The following RIMS1 variants were observed in gnomAD, a reference collection of about 807,000 sequenced individuals.
RIMS1 encodes regulating synaptic membrane exocytosis protein 1.
Under a neutral mutation model 214.1 loss-of-function variants are expected in RIMS1, and 83 were observed. The ratio of observed to expected loss-of-function variants is 0.39; its 90% CI spans 0.32 to 0.47. The LOEUF (loss-of-function observed/expected upper bound fraction) is 0.47, where lower values mean the gene tolerates loss of function less well. Ranked by LOEUF, RIMS1 falls within the 20% of genes least tolerant of loss-of-function variation. The pLI, the probability that RIMS1 is intolerant of heterozygous loss-of-function variation, is 0.99. For synonymous variants in RIMS1, 793 were observed against 786.8 expected (o/e 1.01, Z -0.13); for missense variants, 2,050 against 2,161.8 (o/e 0.95, Z 1.03).
At chr6:72,170,378 C>G in intron 4 of RIMS1, among the ~76,000 whole-genome samples, 1 of 152,110 alleles carries the variant, frequency 6.6e-6, no homozygotes, top group Non-Finnish European at 1.5e-5. Flanking sequence ...GAGTCTTGCA[C>G]TGTTGCCCAG....
At chr6:72,324,433 C>T (rs1295662108) in intron 28 of RIMS1, among the ~76,000 whole-genome samples, 1 of 151,682 alleles carries the variant, frequency 6.6e-6, no homozygotes, top group Non-Finnish European at 1.5e-5. Context: ...TAGAAGAATG[C>T]ACAACTCAGA....
intron 6 of RIMS1, chr6:72,212,950 C>G: frequency 7.1e-7 from 1 of 1,403,488 alleles, no homozygotes; most frequent in South Asian, 1.7e-5. Flanking sequence ...TGTTCTCACA[C>G]CAATGTTTTA....
At chr6:72,282,579 T>A (rs2090666961) in intron 23 of RIMS1, among the ~76,000 whole-genome samples, 2 of 152,190 alleles carry the variant, frequency 1.3e-5, no homozygotes, top group Admixed American at 1.3e-4. Flanking sequence ...CTCTCTTTGC[T>A]GTATAGTATA....
intron 26 of RIMS1, among the ~76,000 whole-genome samples, chr6:72,297,025 A>G (rs1332788067): frequency 1.3e-5 from 2 of 151,960 alleles, no homozygotes; most frequent in Non-Finnish European, 2.9e-5. Flanking sequence ...CGGTATTACA[A>G]AGAGAACAGT....
chr6:72,395,651 G>A (rs904021884), intron 31 of RIMS1, among the ~76,000 whole-genome samples: 1 of 152,010 alleles, frequency 6.6e-6, no homozygotes, highest in African/African-American at 2.4e-5. Context: ...AGACCGAGCA[G>A]AAAAGTGAGG....
intron 2 of RIMS1, among the ~76,000 whole-genome samples, chr6:72,081,503 C>T (rs1038950711): frequency 6.6e-6 from 1 of 152,088 alleles, no homozygotes; most frequent in Non-Finnish European, 1.5e-5. Context: ...AATGACTGCT[C>T]CTAGCTTTGT....
chr6:71,980,867 C>A (rs1369902680), intron 2 of RIMS1, among the ~76,000 whole-genome samples: 2 of 151,898 alleles, frequency 1.3e-5, no homozygotes, highest in East Asian at 1.9e-4. Flanking sequence ...AGAGATAAGA[C>A]AAAAATTTTC....
intron 6 of RIMS1, among the ~76,000 whole-genome samples, chr6:72,222,628 A>G (rs2058847886): frequency 1.3e-5 from 2 of 152,060 alleles, no homozygotes; most frequent in Non-Finnish European, 2.9e-5. Flanking sequence ...GATGTGCCAG[A>G]TATTTGCCAA....
intron 2 of RIMS1, among the ~76,000 whole-genome samples, chr6:72,068,591 A>G (rs7750138): frequency 0.022 from 3,329 of 152,290 alleles, 95 homozygotes; most frequent in African/African-American, 0.076. Flanking sequence ...CAACAGTATC[A>G]TCAATGATGA....
intron 1 of RIMS1, among the ~76,000 whole-genome samples, chr6:71,929,899 A>C (rs567651320): frequency 2.0e-4 from 30 of 152,058 alleles, no homozygotes; most frequent in African/African-American, 5.1e-4. Flanking sequence ...GAAAAAAAAA[A>C]CCAGAATATT....
rs900949209 is a variant in RIMS1, at chr6:72,156,582, G to A, written c.472-22993G>A. ...TGACTGTACTGAATAATAGTGTATT[G>A]TATACTTGAAATCTGGTAAGAGAAT... is the stretch of plus-strand genomic sequence containing the variant. On this transcript the variant is annotated intron_variant, in intron 4 of 33. Transcript: ENST00000521978. 1.4e-5 allele frequency among the ~76,000 whole-genome samples: 2 copies of A among 139,954 alleles called. 1 individual carries two copies. Among genetic ancestry groups the A allele is most frequent in the Non-Finnish European group, 3.2e-5 (2 of 61,622 alleles). 91.8% of individuals were successfully genotyped at this position (139,954 alleles called of 152,430 possible).
At chr6:72,044,968 T>C (rs910919734) in intron 2 of RIMS1, among the ~76,000 whole-genome samples, 3 of 151,886 alleles carry the variant, frequency 2.0e-5, no homozygotes, top group African/African-American at 7.2e-5. Flanking sequence ...TCTTGGCTGG[T>C]GAATGAATAA....
chr6:72,171,429 T>C (rs551378780), intron 4 of RIMS1, among the ~76,000 whole-genome samples: 5 of 151,902 alleles, frequency 3.3e-5, no homozygotes, highest in African/African-American at 1.2e-4. Context: ...AAAATAATTT[T>C]CTTACTGATA....
chr6:72,168,202 C>A (rs1404198304), intron 4 of RIMS1, among the ~76,000 whole-genome samples: 2 of 152,042 alleles, frequency 1.3e-5, no homozygotes, highest in African/African-American at 2.4e-5. Context: ...AGTGGCAAAT[C>A]CTTATGGGTG....
At chr6:71,989,400 C>T (rs1273726688) in intron 2 of RIMS1, among the ~76,000 whole-genome samples, 2 of 152,160 alleles carry the variant, frequency 1.3e-5, no homozygotes, top group Non-Finnish European at 1.5e-5. Flanking sequence ...CTGATATGTG[C>T]AGCTTATTTA....
intron 28 of RIMS1, among the ~76,000 whole-genome samples, chr6:72,314,064 G>A (rs1563937774): frequency 1.3e-5 from 2 of 152,062 alleles, no homozygotes; most frequent in African/African-American, 2.4e-5. Flanking sequence ...ATCAACATGG[G>A]TGTGTGTGTG....
At chr6:72,096,360 G>C (rs970719513) in intron 2 of RIMS1, among the ~76,000 whole-genome samples, 1 of 152,136 alleles carries the variant, frequency 6.6e-6, no homozygotes, top group Admixed American at 6.5e-5. Context: ...ATCCCAAATA[G>C]ATAAGTAGCC....
intron 2 of RIMS1, among the ~76,000 whole-genome samples, chr6:71,984,776 T>TGTATGTA (rs1562029279): frequency 0.034 from 616 of 18,030 alleles, 2 homozygotes; most frequent in Non-Finnish European, 0.058. Context: ...TATGTACATA[T>TGTATGTA]CTATCTATCT....
intron 4 of RIMS1, among the ~76,000 whole-genome samples, chr6:72,124,319 G>A (rs2039063308): frequency 6.6e-6 from 1 of 151,902 alleles, no homozygotes; most frequent in Non-Finnish European, 1.5e-5. Flanking sequence ...CTTCTGGCTT[G>A]TAGAGTTTCT....
Sources: allele counts gnomAD v4.1 joint callset (sites outside exome capture counted in the v4.1 genomes callset), GRCh38; gene constraint gnomAD v4.1.1; transcripts MANE v1.5; gene names NCBI Gene and HGNC (gene_info 2026-07-23, HGNC 2026-07-21).